PAPPA2: variants seen among roughly 807,000 people sequenced by gnomAD.
PAPPA2 encodes pappalysin 2.
A neutral mutation model predicts 176.4 loss-of-function variants in PAPPA2; 86 were observed. The ratio of observed to expected loss-of-function variants is 0.49; its 90% CI spans 0.41 to 0.58. PAPPA2 has a LOEUF of 0.58. Among genes scored for constraint, PAPPA2 ranks in the 20% least tolerant of loss-of-function variants. The pLI is 0.00. For missense variants in PAPPA2, 2,073 were observed against 2,256.9 expected, an observed-to-expected ratio of 0.92 and a Z score of 1.65; for synonymous variants, 809 against 852.2, an observed-to-expected ratio of 0.95 and a Z score of 0.88.
chr1:176,617,243 T>G (rs796067189), intron 3 of PAPPA2, among the ~76,000 whole-genome samples: 8 of 152,294 alleles, frequency 5.3e-5, no homozygotes, highest in African/African-American at 1.9e-4. Context: ...AGGAATGTAT[T>G]TATTCTCTGA....
chr1:176,835,583 A>C (rs1667241360), intron 21 of PAPPA2, among the ~76,000 whole-genome samples: 1 of 152,146 alleles, frequency 6.6e-6, no homozygotes. Context: ...GCAATGGCAC[A>C]ATCCTGACTC....
At chr1:176,648,692 A>G (rs1657547151) in intron 3 of PAPPA2, among the ~76,000 whole-genome samples, 1 of 151,590 alleles carries the variant, frequency 6.6e-6, no homozygotes, top group South Asian at 2.1e-4. Context: ...TGAAATAATC[A>G]TATGGCTTTT....
chr1:176,615,286 C>T lies in PAPPA2; in HGVS notation c.1991+19691C>T, dbSNP rs555440550. On this transcript the variant is annotated intron_variant, in intron 3 of 22. Transcript: ENST00000367662. ...GACATTAAAGACATGTGCTTTTGTA[C>T]AATGTGATTTTCACAATGGAGGTTT... Among the ~76,000 whole-genome samples the T allele has an allele frequency of 3.3e-5, 5 of 152,224 alleles. 1 individual carries two copies. The South Asian group carries it at 1.0e-3, about 32-fold the overall frequency.
chr1:176,581,215 G>T (rs975107802), intron 2 of PAPPA2, among the ~76,000 whole-genome samples: 1 of 152,122 alleles, frequency 6.6e-6, no homozygotes, highest in Non-Finnish European at 1.5e-5. Flanking sequence ...TTATTGAAAA[G>T]ATTTTCCCTT....
chr1:176,580,856 T>G (rs970933772), intron 2 of PAPPA2, among the ~76,000 whole-genome samples: 1 of 141,244 alleles, frequency 7.1e-6, no homozygotes. Flanking sequence ...AATGTTTGCA[T>G]TTTTTGCATA....
At chr1:176,807,403 A>C (rs1038286627) in intron 21 of PAPPA2, among the ~76,000 whole-genome samples, 1 of 152,182 alleles carries the variant, frequency 6.6e-6, no homozygotes, top group South Asian at 2.1e-4. Flanking sequence ...AGGAGCTGTC[A>C]GAAAAGCCAA....
chr1:176,785,804 A>C (rs1428340799), intron 17 of PAPPA2, among the ~76,000 whole-genome samples: 2 of 152,120 alleles, frequency 1.3e-5, no homozygotes, highest in East Asian at 1.9e-4. Flanking sequence ...AAGGAAATAT[A>C]TGAAATCGGC....
chr1:176,791,296 T>C (rs749455709), intron 18 of PAPPA2, 51 bp from the exon 19 acceptor site: 1 of 1,437,774 alleles, frequency 7.0e-7, no homozygotes, highest in South Asian at 1.2e-5. Flanking sequence ...TTTTCAACTC[T>C]CAATAAAGTT....
intron 20 of PAPPA2, among the ~76,000 whole-genome samples, chr1:176,799,527 A>G (rs1460462827): frequency 6.6e-6 from 1 of 152,146 alleles, no homozygotes; most frequent in Non-Finnish European, 1.5e-5. Flanking sequence ...GATACCAAGA[A>G]TTACAGAGTG....
intron 5 of PAPPA2, chr1:176,691,335 A>G: frequency 4.1e-6 from 1 of 240,968 alleles, no homozygotes; most frequent in Non-Finnish European, 6.7e-6. Flanking sequence ...GGAAAGCGTG[A>G]TGAGCCGATT....
intron 3 of PAPPA2, among the ~76,000 whole-genome samples, chr1:176,667,188 T>C (rs1026394997): frequency 4.0e-5 from 6 of 151,790 alleles, no homozygotes; most frequent in Admixed American, 2.0e-4. Flanking sequence ...GGAGGTTGTG[T>C]TGAGCTGAGA....
chr1:176,649,325 T>C (rs982725721), intron 3 of PAPPA2, among the ~76,000 whole-genome samples: 1 of 151,266 alleles, frequency 6.6e-6, no homozygotes, highest in African/African-American at 2.4e-5. Context: ...GAGTCTTCTC[T>C]TTTTCTTAGC....
intron 8 of PAPPA2, among the ~76,000 whole-genome samples, chr1:176,700,514 A>T (rs1472889705): frequency 2.0e-5 from 3 of 152,208 alleles, no homozygotes; most frequent in Admixed American, 6.5e-5. Flanking sequence ...GCCCGGGATG[A>T]CTTCCCACAC....
At chr1:176,630,312 G>C (rs1042778971) in intron 3 of PAPPA2, among the ~76,000 whole-genome samples, 2 of 152,172 alleles carry the variant, frequency 1.3e-5, no homozygotes, top group African/African-American at 4.8e-5. Flanking sequence ...CATATATTAT[G>C]TACAACATAT....
At chr1:176,616,774 G>T (rs1039790241) in intron 3 of PAPPA2, 1 of 1,062,372 alleles carries the variant, frequency 9.4e-7, no homozygotes, top group Non-Finnish European at 1.4e-6. Context: ...GGAGCTGGGT[G>T]GTTCATTCGA....
intron 3 of PAPPA2, among the ~76,000 whole-genome samples, chr1:176,609,355 A>T (rs567049258): frequency 0.014 from 2,081 of 152,266 alleles, 23 homozygotes; most frequent in Non-Finnish European, 0.021. Context: ...TTCTTCTCTT[A>T]TGGAGCTTAC....
chr1:176,606,081 A>G lies in PAPPA2; in HGVS notation c.1991+10486A>G, dbSNP rs1249104288. 2.0e-5 allele frequency among the ~76,000 whole-genome samples: 3 copies of G among 151,672 alleles called. No homozygotes were observed. The East Asian group carries it at 5.8e-4, about 29-fold the overall frequency. On this transcript the variant is annotated intron_variant, in intron 3 of 22. Coordinates refer to ENST00000367662, the MANE Select transcript of PAPPA2 (RefSeq NM_020318.3). ...TATAATATTTTATATATATACACAC[A>G]CACATATATATATAATTATACCAAT...
At chr1:176,596,746 A>T (rs1367519423) in intron 3 of PAPPA2, among the ~76,000 whole-genome samples, 1 of 152,212 alleles carries the variant, frequency 6.6e-6, no homozygotes, top group East Asian at 1.9e-4. Flanking sequence ...GAATAAATGG[A>T]TCTGGTGTGT....
chr1:176,587,899 A>C (rs1226342796), intron 2 of PAPPA2, among the ~76,000 whole-genome samples: 1 of 152,232 alleles, frequency 6.6e-6, no homozygotes, highest in Non-Finnish European at 1.5e-5. Context: ...TATAATAATA[A>C]ACTTTAAAAA....
Sources: gnomAD v4.1 joint callset for allele counts (sites outside exome capture counted in the v4.1 genomes callset) on GRCh38, gnomAD v4.1.1 for gene constraint, MANE v1.5 for transcripts, NCBI Gene and HGNC (gene_info 2026-07-23, HGNC 2026-07-21) for gene names.